The following PLD5 variants were observed in gnomAD, a reference collection of about 807,000 sequenced individuals.
PLD5 encodes the protein phospholipase D family member 5.
PLD5 carries 36 observed loss-of-function variants against 61.1 expected under a neutral mutation model. The ratio of observed to expected loss-of-function variants is 0.59; its 90% CI spans 0.45 to 0.78. The LOEUF (loss-of-function observed/expected upper bound fraction) is 0.78, where lower values mean the gene tolerates loss of function less well. Among genes scored for constraint, PLD5 ranks in the 30% least tolerant of loss-of-function variants. The probability of loss-of-function intolerance (pLI) is 0.00; values close to 1 mark genes in which losing one functional copy is unlikely to be tolerated. For missense variants in PLD5, 515 were observed against 644.4 expected (o/e 0.80, Z 2.17); for synonymous variants, 243 against 242.8 (o/e 1.00, Z -0.01).
intron 5 of PLD5, among the ~76,000 whole-genome samples, chr1:242,212,881 A>G (rs1669921586): frequency 6.6e-6 from 1 of 152,236 alleles, no homozygotes; most frequent in South Asian, 2.1e-4. Flanking sequence ...GGCTCTTTCA[A>G]GATCTGATTT....
At chr1:242,184,521 G>C (rs1408964453) in intron 5 of PLD5, among the ~76,000 whole-genome samples, 1 of 152,066 alleles carries the variant, frequency 6.6e-6, no homozygotes, top group East Asian at 1.9e-4. Context: ...GGAGCCCACC[G>C]CAACGCCTGG....
At chr1:242,458,654 A>C (rs958000141) in intron 1 of PLD5, among the ~76,000 whole-genome samples, 3 of 152,250 alleles carry the variant, frequency 2.0e-5, no homozygotes, top group Non-Finnish European at 4.4e-5. Context: ...TATACCACTT[A>C]AAAGTTGTGT....
chr1:242,457,726 G>C (rs536799597), intron 1 of PLD5, among the ~76,000 whole-genome samples: 1 of 152,130 alleles, frequency 6.6e-6, no homozygotes, highest in Non-Finnish European at 1.5e-5. Flanking sequence ...CAGACATCCT[G>C]AACAACTTGT....
chr1:242,292,264 TAAAC>T (rs1675412825), intron 2 of PLD5, among the ~76,000 whole-genome samples: 2 of 152,020 alleles, frequency 1.3e-5, no homozygotes, highest in East Asian at 1.9e-4. Flanking sequence ...AACAATCCAA[TAAAC>T]AAACAAAAAC....
chr1:242,337,589 C>T (rs1659597355), intron 2 of PLD5, among the ~76,000 whole-genome samples: 1 of 152,204 alleles, frequency 6.6e-6, no homozygotes, highest in Non-Finnish European at 1.5e-5. Context: ...CAAGACCATG[C>T]CATTGCACTC....
chr1:242,318,844 GA>G (rs1329575899), intron 2 of PLD5, among the ~76,000 whole-genome samples: 1 of 152,076 alleles, frequency 6.6e-6, no homozygotes, highest in Non-Finnish European at 1.5e-5. Context: ...GGGGGAACAA[GA>G]AGAGAAAAGG....
intron 1 of PLD5, among the ~76,000 whole-genome samples, chr1:242,506,435 C>T (rs8179302): frequency 0.33 from 50,391 of 151,848 alleles, 8,790 homozygotes; most frequent in Admixed American, 0.41. Flanking sequence ...GAGCCCAGGC[C>T]GACTCTGTTG....
At chr1:242,171,916 A>G (rs1666780163) in intron 5 of PLD5, among the ~76,000 whole-genome samples, 1 of 152,188 alleles carries the variant, frequency 6.6e-6, no homozygotes, top group African/African-American at 2.4e-5. Context: ...GAGACCTACA[A>G]AGAGACAAAG....
intron 8 of PLD5, among the ~76,000 whole-genome samples, chr1:242,106,414 A>G (rs1480841261): frequency 2.6e-5 from 4 of 152,174 alleles, no homozygotes; most frequent in African/African-American, 9.7e-5. Context: ...AGGCAAGATG[A>G]GTGAAATGGA....
At chr1:242,328,070 C>T (rs577882965) in intron 2 of PLD5, among the ~76,000 whole-genome samples, 11 of 152,060 alleles carry the variant, frequency 7.2e-5, no homozygotes, top group African/African-American at 2.7e-4. Flanking sequence ...GGAGACCCTG[C>T]TGCTAAAAAC....
At chr1:242,497,422 A>G (rs555279889) in intron 1 of PLD5, among the ~76,000 whole-genome samples, 31 of 152,208 alleles carry the variant, frequency 2.0e-4, no homozygotes, top group Non-Finnish European at 3.8e-4. Flanking sequence ...CACCTGCCCA[A>G]AAAGATCTTT....
intron 5 of PLD5, among the ~76,000 whole-genome samples, chr1:242,142,841 C>G (rs1354996188): frequency 3.3e-5 from 5 of 152,024 alleles, no homozygotes; most frequent in Admixed American, 3.3e-4. Flanking sequence ...ATTCTCCTGC[C>G]TCAGCCTCTC....
chr1:242,111,819 T>G lies in PLD5; in HGVS notation c.1070+2071A>C, dbSNP rs191693396. Among the ~76,000 whole-genome samples the G allele has an allele frequency of 1.1e-3, 164 of 152,310 alleles. 1 individual carries two copies. Among genetic ancestry groups the G allele is most frequent in the African/African-American group, 3.6e-3 (149 of 41,580 alleles). ...AAAAGCATTTACAGGTTTAAAATTTTAAAAATACAATAAAAGAAGTTTCAT... is the reference window on the plus strand; with the variant it reads ...AAAAGCATTTACAGGTTTAAAATTTGAAAAATACAATAAAAGAAGTTTCAT... On this transcript the variant is annotated intron_variant, in intron 7 of 9. Coordinates refer to ENST00000536534, the MANE Select transcript of PLD5 (RefSeq NM_001372062.1).
intron 5 of PLD5, among the ~76,000 whole-genome samples, chr1:242,186,395 C>A (rs1379099198): frequency 6.6e-6 from 1 of 152,114 alleles, no homozygotes; most frequent in East Asian, 1.9e-4. Context: ...GTTGGTCAGG[C>A]TGGTCTTGAA....
chr1:242,345,754 T>C, intron 2 of PLD5: 4 of 619,826 alleles, frequency 6.5e-6, no homozygotes, highest in Non-Finnish European at 1.2e-5. Context: ...CCAGAAAAGG[T>C]GGTGAAACAA....
chr1:242,115,745 G>C (rs1235637420), intron 6 of PLD5, among the ~76,000 whole-genome samples: 1 of 151,870 alleles, frequency 6.6e-6, no homozygotes, highest in East Asian at 1.9e-4. Flanking sequence ...AAAGGTCATC[G>C]ATAACAGTGA....
intron 5 of PLD5, among the ~76,000 whole-genome samples, chr1:242,212,242 C>T (rs1189399886): frequency 6.6e-6 from 1 of 152,160 alleles, no homozygotes; most frequent in African/African-American, 2.4e-5. Flanking sequence ...GGAAAAAGGA[C>T]AGGGGATATG....
Position 242,087,449 on chromosome 1 carries a change from T to C in PLD5, c.*2405A>G, listed in dbSNP as rs891579349. 2 of 152,272 alleles carry C rather than the reference T, an allele frequency of 1.3e-5. No homozygotes were observed. Among genetic ancestry groups the C allele is most frequent in the Admixed American group, 1.3e-4 (2 of 15,302 alleles). The allele number at this position is 152,272 out of a possible 1,614,324, so 9.4% of individuals were successfully genotyped here. A position where few individuals can be genotyped will look rare whatever the true frequency, so the allele number is the denominator to read the frequency against. ...TGAGTGTCCCATGGCTGTGGATGAATACTTCAGGGGACAACTTGAGAACTA... is the reference window on the plus strand; with the variant it reads ...TGAGTGTCCCATGGCTGTGGATGAACACTTCAGGGGACAACTTGAGAACTA... On this transcript the variant is annotated 3_prime_UTR_variant, in exon 10 of 10. Coordinates refer to ENST00000536534, the MANE Select transcript of PLD5 (RefSeq NM_001372062.1).
chr1:242,469,743 C>T (rs1464798052), intron 1 of PLD5, among the ~76,000 whole-genome samples: 1 of 152,090 alleles, frequency 6.6e-6, no homozygotes, highest in Non-Finnish European at 1.5e-5. Flanking sequence ...CTTTGCACCA[C>T]ACATCTTGCT....
Sources: gnomAD v4.1 joint callset for allele counts (sites outside exome capture counted in the v4.1 genomes callset) on GRCh38, gnomAD v4.1.1 for gene constraint, MANE v1.5 for transcripts, NCBI Gene and HGNC (gene_info 2026-07-23, HGNC 2026-07-21) for gene names.